MYO3B: variants seen among roughly 807,000 people sequenced by gnomAD.
MYO3B encodes myosin IIIB, also known as myosin-IIIb.
In MYO3B, 156 loss-of-function variants were observed where a neutral mutation model predicts 174.6. The ratio of observed to expected loss-of-function variants is 0.89; its 90% CI spans 0.78 to 1.02. MYO3B has a LOEUF of 1.02. Ranked by LOEUF, MYO3B falls within the 50% of genes least tolerant of loss-of-function variation. The probability of loss-of-function intolerance (pLI) is 0.00; values close to 1 mark genes in which losing one functional copy is unlikely to be tolerated. For missense variants in MYO3B, 1,632 were observed against 1,639.4 expected (o/e 1.00, Z 0.08); for synonymous variants, 563 against 569.1 (o/e 0.99, Z 0.15).
intron 7 of MYO3B, among the ~76,000 whole-genome samples, chr2:170,322,112 C>T (rs977034616): frequency 9.9e-6 from 1 of 100,652 alleles, no homozygotes. Context: ...GACTCCGTCT[C>T]GAAAAAAAAA....
chr2:170,324,556 G>GA (rs2093851189), intron 7 of MYO3B, among the ~76,000 whole-genome samples: 1 of 152,222 alleles, frequency 6.6e-6, no homozygotes, highest in South Asian at 2.1e-4. Flanking sequence ...GCCCCAAATT[G>GA]AAATTCCTTA....
chr2:170,383,522 G>A (rs2094351160), intron 11 of MYO3B, among the ~76,000 whole-genome samples, 188 bp from the exon 12 acceptor site: 1 of 152,138 alleles, frequency 6.6e-6, no homozygotes, highest in African/African-American at 2.4e-5. Flanking sequence ...CCTCTTACTA[G>A]CTCATGAAGC....
chr2:170,537,802 G>A (rs998559338), intron 30 of MYO3B, among the ~76,000 whole-genome samples: 2 of 152,098 alleles, frequency 1.3e-5, no homozygotes, highest in African/African-American at 4.8e-5. Flanking sequence ...AAATTACTTG[G>A]CTATGCTGAT....
At chr2:170,194,430 G>A (rs1165412841) in intron 1 of MYO3B, among the ~76,000 whole-genome samples, 1 of 151,834 alleles carries the variant, frequency 6.6e-6, no homozygotes, top group African/African-American at 2.4e-5. Flanking sequence ...GCTTGAGCCT[G>A]GGAGGTTGAG....
chr2:170,626,772 G>C (rs1428816414), intron 32 of MYO3B, among the ~76,000 whole-genome samples: 2 of 152,166 alleles, frequency 1.3e-5, no homozygotes, highest in Non-Finnish European at 2.9e-5. Context: ...GCATTTGCTT[G>C]TCTGTAAAGG....
intron 22 of MYO3B, among the ~76,000 whole-genome samples, chr2:170,422,686 C>T (rs1264599796): frequency 6.6e-6 from 1 of 151,846 alleles, no homozygotes; most frequent in East Asian, 1.9e-4. Context: ...CTCAAACTGA[C>T]CTCAGGTGAT....
intron 1 of MYO3B, among the ~76,000 whole-genome samples, chr2:170,194,995 G>A (rs771890389): frequency 1.3e-5 from 2 of 151,922 alleles, no homozygotes. Context: ...TAGCCCTTCC[G>A]CGTTCTTCTG....
At chr2:170,307,242 CAAAAAAAAAAAA>C (rs10718469) in intron 7 of MYO3B, among the ~76,000 whole-genome samples, 1 of 57,652 alleles carries the variant, frequency 1.7e-5, no homozygotes, top group Non-Finnish European at 3.4e-5. Context: ...GGCCTTATCT[CAAAAAAAAAAAA>C]AAAAAAAAAA....
intron 32 of MYO3B, among the ~76,000 whole-genome samples, chr2:170,599,081 T>A (rs1201809361): frequency 6.6e-6 from 1 of 152,116 alleles, no homozygotes; most frequent in Non-Finnish European, 1.5e-5. Context: ...AAAAATAGCT[T>A]TTGTGTTTCT....
At chr2:170,273,127 G>A (rs901070073) in intron 7 of MYO3B, among the ~76,000 whole-genome samples, 1 of 152,088 alleles carries the variant, frequency 6.6e-6, no homozygotes, top group African/African-American at 2.4e-5. Flanking sequence ...GGATCTCCAG[G>A]AAGAATCCAA....
rs1688092344 is a variant in MYO3B, at chr2:170,513,248, T to G, written c.3371-1673T>G. 3.9e-5 allele frequency among the ~76,000 whole-genome samples: 6 copies of G among 152,140 alleles called. No homozygotes were observed. In the South Asian group the frequency reaches 1.2e-3, roughly 32 times the overall value. ...AACAAATTACCACAAACTGTGTAGC[T>G]GAAAACAACAGAAACTTATTCTGTC... is the stretch of plus-strand genomic sequence containing the variant. On this transcript the variant is annotated intron_variant, in intron 28 of 34. Coordinates refer to ENST00000408978, the MANE Select transcript of MYO3B (RefSeq NM_138995.5).
chr2:170,549,428 G>A (rs1167345782), intron 32 of MYO3B, among the ~76,000 whole-genome samples: 1 of 152,134 alleles, frequency 6.6e-6, no homozygotes, highest in Non-Finnish European at 1.5e-5. Context: ...GATTGATTTC[G>A]GGTCTTTCAT....
chr2:170,624,744 A>G (rs910553843), intron 32 of MYO3B, among the ~76,000 whole-genome samples: 2 of 152,190 alleles, frequency 1.3e-5, no homozygotes, highest in African/African-American at 2.4e-5. Flanking sequence ...CATCTCATCA[A>G]TACCTAATTT....
chr2:170,248,153 T>C (rs1225433799), intron 7 of MYO3B, among the ~76,000 whole-genome samples: 1 of 152,176 alleles, frequency 6.6e-6, no homozygotes, highest in Non-Finnish European at 1.5e-5. Context: ...CCCTCCTGGC[T>C]GCCCTTACTC....
intron 15 of MYO3B, among the ~76,000 whole-genome samples, chr2:170,391,849 C>T (rs2094414095): frequency 6.6e-6 from 1 of 152,044 alleles, no homozygotes; most frequent in Non-Finnish European, 1.5e-5. Context: ...TATTCTACCA[C>T]AGTATTAGAC....
intron 7 of MYO3B, among the ~76,000 whole-genome samples, chr2:170,320,706 T>C (rs977365999): frequency 8.5e-5 from 13 of 152,068 alleles, no homozygotes; most frequent in African/African-American, 3.1e-4. Flanking sequence ...TGCTTATACC[T>C]GCTATGAAGT....
At chr2:170,575,222 G>T (rs1692712561) in intron 32 of MYO3B, among the ~76,000 whole-genome samples, 1 of 152,114 alleles carries the variant, frequency 6.6e-6, no homozygotes, top group Admixed American at 6.5e-5. Context: ...CAGTTTACCA[G>T]CAAGTGTTTG....
At chr2:170,282,980 TCA>T (rs768216807) in intron 7 of MYO3B, among the ~76,000 whole-genome samples, 2 of 152,084 alleles carry the variant, frequency 1.3e-5, no homozygotes, top group African/African-American at 2.4e-5. Context: ...AAGTAGCATT[TCA>T]CCATTGCAGT....
intron 32 of MYO3B, among the ~76,000 whole-genome samples, chr2:170,567,835 G>A (rs1162330233): frequency 6.6e-6 from 1 of 152,222 alleles, no homozygotes; most frequent in Non-Finnish European, 1.5e-5. Flanking sequence ...TTAGACATGG[G>A]ATGGTGAAAA....
Sources: allele counts gnomAD v4.1 joint callset (sites outside exome capture counted in the v4.1 genomes callset), GRCh38; gene constraint gnomAD v4.1.1; transcripts MANE v1.5; gene names NCBI Gene and HGNC (gene_info 2026-07-23, HGNC 2026-07-21).